Variants in NAT10 observed in about 807,000 individuals in gnomAD.
The protein encoded by NAT10 is RNA cytidine acetyltransferase.
Under a neutral mutation model 132.2 loss-of-function variants are expected in NAT10, and 109 were observed. That is an observed-to-expected ratio of 0.82 (90% confidence interval 0.71 to 0.97). The LOEUF is 0.97. Among genes scored for constraint, NAT10 ranks in the 50% least tolerant of loss-of-function variants. The pLI, the probability that NAT10 is intolerant of heterozygous loss-of-function variation, is 0.00. For synonymous variants in NAT10, 479 were observed against 478.0 expected (o/e 1.00, Z -0.03); for missense variants, 1,184 against 1,263.4 (o/e 0.94, Z 0.95).
chr11:34,135,351 T>G lies in NAT10; in HGVS notation c.2028+60T>G, dbSNP rs534258682. The G allele has an allele frequency of 2.1e-6, 3 of 1,441,212 alleles. No homozygotes were observed. In the East Asian group the frequency reaches 6.8e-5, roughly 33 times the overall value. 89.3% of individuals were successfully genotyped at this position (1,441,212 alleles called of 1,614,324 possible). A position where few individuals can be genotyped will look rare whatever the true frequency, so the allele number is the denominator to read the frequency against. On this transcript the variant is annotated intron_variant, in intron 19 of 28. Transcript: ENST00000257829. The stretch of plus-strand genomic sequence containing the variant: ...TTCTTGGGAGGATAATTCTCTGGGT[T>G]TTTAGGGGCATCAACAAAAACCAGT...
chr11:34,129,292 C>G (rs2982619), intron 12 of NAT10, among the ~76,000 whole-genome samples: 133,687 of 152,226 alleles, frequency 0.88, 58,949 homozygotes, highest in East Asian at 1. Context: ...CTCTCACACA[C>G]TTATTATGTA....
chr11:34,135,299 T>C lies in NAT10; in HGVS notation c.2028+8T>C. ...CACACCGTAAGCAGCGAGGTAAGCA[T>C]CTTTCGACAGACCTCCTGTGTCCTG... On this transcript the variant is annotated splice_region_variant and intron_variant, in intron 19 of 28. Transcript: ENST00000257829. The C allele has an allele frequency of 6.2e-7, 1 of 1,610,316 alleles. No homozygotes were observed. Among genetic ancestry groups the C allele is most frequent in the Non-Finnish European group, 8.5e-7 (1 of 1,176,544 alleles).
At chr11:34,117,605 A>C (rs1851804102) in intron 6 of NAT10, among the ~76,000 whole-genome samples, 1 of 152,236 alleles carries the variant, frequency 6.6e-6, no homozygotes, top group Non-Finnish European at 1.5e-5. Flanking sequence ...GTGCTACTGA[A>C]TACAACAGAA....
rs759711543 is a variant in NAT10, at chr11:34,132,186, C to T, written c.1582C>T (p.Arg528Trp). The change falls in exon 15 of 29, where the codon CGG becomes TGG. Residue 528 changes from arginine (R) to tryptophan (W), a missense_variant. Transcript: ENST00000257829. ...CAAGGCCTCTGAAGTTTTCCTCCAA[C>T]GGCTTATGGCCCTCTACGTGGCTTC... ...YHKASEVFLQ[R>W]LMALYVASHY... 3.8e-5 allele frequency: 62 copies of T among 1,614,038 alleles called. No homozygotes were observed. The highest frequency in any genetic ancestry group is 5.5e-5 in the South Asian group (5 of 91,092).
intron 27 of NAT10, 21 bp from the exon 28 acceptor site, chr11:34,143,424 T>A: frequency 6.2e-7 from 1 of 1,606,246 alleles, no homozygotes; most frequent in Non-Finnish European, 8.5e-7. Context: ...CAGGCTTTGA[T>A]AGTTCCCTTC....
chr11:34,128,246 C>T (rs1321031781), intron 12 of NAT10, among the ~76,000 whole-genome samples: 1 of 151,804 alleles, frequency 6.6e-6, no homozygotes, highest in Non-Finnish European at 1.5e-5. Context: ...CCCAGCTACT[C>T]TGGAGGCTGA....
chr11:34,145,337 C>T (rs1852420362), intron 28 of NAT10, among the ~76,000 whole-genome samples: 1 of 152,196 alleles, frequency 6.6e-6, no homozygotes, highest in Non-Finnish European at 1.5e-5. Context: ...TGGTAGCTAT[C>T]ATTAAGTCCT....
At chr11:34,137,169 G>C (rs1852232597) in intron 21 of NAT10, 143 bp downstream of exon 21, 1 of 836,926 alleles carries the variant, frequency 1.2e-6, no homozygotes, top group Non-Finnish European at 2.0e-6. Context: ...TATTCTGATG[G>C]ACATGGAAAC....
At chr11:34,133,004 GA>G in intron 15 of NAT10, 21 bp from the exon 16 acceptor site, 1 of 1,587,298 alleles carries the variant, frequency 6.3e-7, no homozygotes, top group Non-Finnish European at 8.7e-7. Flanking sequence ...GCTTCTCACT[GA>G]CCCGTGTTTG....
At chr11:34,144,233 A>G (rs971106935) in intron 28 of NAT10, among the ~76,000 whole-genome samples, 2 of 152,218 alleles carry the variant, frequency 1.3e-5, no homozygotes, top group African/African-American at 2.4e-5. Context: ...CCAGGTGTTC[A>G]AGACCAACCT....
At position 34,112,094 on chromosome 11, in the gene NAT10, G is replaced by T; in HGVS notation, c.243G>T (p.Lys81Asn). 6.2e-7 allele frequency: 1 copy of T among 1,614,210 alleles called. No homozygotes were observed. The highest frequency in any genetic ancestry group is 8.5e-7 in the Non-Finnish European group (1 of 1,180,032). Residue 81 changes from lysine (K) to asparagine (N), a missense_variant, in exon 4 of 29, where the codon AAG becomes AAT. Lys to Asn is a moderately conservative substitution (Grantham distance 94, BLOSUM62 0). Transcript: ENST00000257829. ...KRMRQLQKKI[K>N]NGTLNIKQDD... ...TGCGACAGCTGCAGAAGAAAATAAA[G>T]AATGGAACACTGAACATAAAGCAGG...
chr11:34,126,513 T>C (rs545922597), intron 11 of NAT10, among the ~76,000 whole-genome samples: 2 of 152,386 alleles, frequency 1.3e-5, no homozygotes, highest in East Asian at 3.9e-4. Flanking sequence ...AGTGGAGTTG[T>C]TGGGTTTTAG....
chr11:34,115,775 A>T (rs779671729), intron 5 of NAT10, 48 bp from the exon 6 acceptor site: 6 of 1,599,208 alleles, frequency 3.8e-6, no homozygotes, highest in Non-Finnish European at 3.4e-6. Context: ...CCTGGTCCTC[A>T]GCACTGTTTG....
chr11:34,142,531 G>T (rs189247401), intron 27 of NAT10, among the ~76,000 whole-genome samples, 183 bp downstream of exon 27: 37 of 152,228 alleles, frequency 2.4e-4, no homozygotes, highest in Non-Finnish European at 1.8e-4. Flanking sequence ...GGAAGAGTTG[G>T]GTTCCGGAGA....
chr11:34,112,316 G>A, intron 4 of NAT10, 93 bp downstream of exon 4: 1 of 1,449,900 alleles, frequency 6.9e-7, no homozygotes, highest in Non-Finnish European at 9.5e-7. Context: ...GTACAGTAAG[G>A]AGAGGAGAGT....
Position 34,113,772 on chromosome 11 carries a change from T to C in NAT10, c.429T>C (p.Gly143=), listed in dbSNP as rs1590761633. Residue 143 remains glycine (G), a synonymous_variant, in exon 5 of 29, where the codon GGT becomes GGC. Transcript: ENST00000257829. ...LLARTVETVE[G]GGLVVILLRT... ...CCAGGACTGTAGAAACAGTGGAAGGTGGTGGGCTAGTGGTCATCCTCCTAC... is the reference window on the plus strand; with the variant it reads ...CCAGGACTGTAGAAACAGTGGAAGGCGGTGGGCTAGTGGTCATCCTCCTAC... 1 of 1,612,114 alleles carries C rather than the reference T, an allele frequency of 6.2e-7. No individual in the cohort carries two copies. The highest frequency in any genetic ancestry group is 1.3e-5 in the African/African-American group (1 of 74,400).
chr11:34,115,700 G>T, intron 5 of NAT10, 123 bp from the exon 6 acceptor site: 2 of 827,062 alleles, frequency 2.4e-6, no homozygotes, highest in Non-Finnish European at 3.9e-6. Context: ...AGCAGTGTGT[G>T]TGGGAGTGAT....
At chr11:34,112,601 G>T (rs537386417) in intron 4 of NAT10, among the ~76,000 whole-genome samples, 1 of 152,194 alleles carries the variant, frequency 6.6e-6, no homozygotes, top group South Asian at 2.1e-4. Context: ...TTTTCCAACC[G>T]GATATAGACC....
chr11:34,126,270 C>T (rs746923367), intron 11 of NAT10, among the ~76,000 whole-genome samples: 8 of 152,182 alleles, frequency 5.3e-5, no homozygotes, highest in Non-Finnish European at 1.0e-4. Context: ...CCTTCTGTCC[C>T]TCCCCATGGG....
Sources: allele counts gnomAD v4.1 joint callset (sites outside exome capture counted in the v4.1 genomes callset), GRCh38; gene constraint gnomAD v4.1.1; transcripts MANE v1.5; gene names NCBI Gene and HGNC (gene_info 2026-07-23, HGNC 2026-07-21).